Variants in SMYD4 observed in about 807,000 individuals in gnomAD.
SMYD4 encodes the protein protein-lysine N-methyltransferase SMYD4.
Under a neutral mutation model 72.8 loss-of-function variants are expected in SMYD4, and 68 were observed. The ratio of observed to expected loss-of-function variants is 0.93; its 90% CI spans 0.77 to 1.14. The LOEUF is 1.14. Ranked by LOEUF, SMYD4 falls within the 50% of genes most tolerant of loss-of-function variation. The probability of loss-of-function intolerance (pLI) is 0.00; values close to 1 mark genes in which losing one functional copy is unlikely to be tolerated. For synonymous variants in SMYD4, 407 were observed against 388.6 expected, an observed-to-expected ratio of 1.05 and a Z score of -0.56; for missense variants, 984 against 1,003.7, an observed-to-expected ratio of 0.98 and a Z score of 0.27.
At chr17:1,785,776 G>GAAAAAAAAA (rs1333271491) in intron 7 of SMYD4, among the ~76,000 whole-genome samples, 1 of 13,906 alleles carries the variant, frequency 7.2e-5, no homozygotes, top group African/African-American at 2.6e-4. Context: ...AAAAAAAAAA[G>GAAAAAAAAA]AAAAAAAAAA....
Position 1,786,831 on chromosome 17 carries a change from G to A in SMYD4, c.1863C>T (p.Asn621=). 1 of 1,614,234 alleles carries A rather than the reference G, an allele frequency of 6.2e-7. No individual in the cohort carries two copies. The highest frequency in any genetic ancestry group is 8.5e-7 in the Non-Finnish European group (1 of 1,180,040). The change falls in exon 7 of 11, where the codon AAC becomes AAT. Residue 621 remains asparagine, a synonymous_variant. Coordinates refer to ENST00000305513, the MANE Select transcript of SMYD4 (RefSeq NM_052928.3). ...TTACCTGCATGGGCGCTCCGCAACT[G>A]TTGCAACAGAATGCTTCCCACCTGG... ...AGPRWEAFCC[N]SCGAPMQGDD...
At chr17:1,781,615 AAC>A (rs755442349) in intron 10 of SMYD4, 176 bp from the exon 11 acceptor site, 15 of 645,476 alleles carry the variant, frequency 2.3e-5, no homozygotes, top group Non-Finnish European at 3.7e-5. Flanking sequence ...AGTGTGAGAA[AAC>A]AGTTATAAAA....
Position 1,781,374 on chromosome 17 carries a change from C to T in SMYD4, c.2327G>A (p.Gly776Asp). Residue 776 changes from glycine to aspartate, a missense_variant, in exon 11 of 11, where the codon GGC becomes GAC. Transcript: ENST00000305513. The part of the protein sequence containing the change: ...KAEEVLSLHC[G>D]PWDDEIQELQ... Reference sequence around the variant, plus strand: ...CTCCTGGATTTCATCGTCCCATGGGCCACAGTGCAGCGACAGAACCTCCTC... The same window carrying T: ...CTCCTGGATTTCATCGTCCCATGGGTCACAGTGCAGCGACAGAACCTCCTC... 1.9e-6 allele frequency: 3 copies of T among 1,614,072 alleles called. No individual in the cohort carries two copies. Among genetic ancestry groups the T allele is most frequent in the Non-Finnish European group, 2.5e-6 (3 of 1,180,034 alleles).
At chr17:1,795,263 T>TTCTG (rs758387573) in intron 5 of SMYD4, among the ~76,000 whole-genome samples, 3 of 152,032 alleles carry the variant, frequency 2.0e-5, no homozygotes, top group African/African-American at 4.8e-5. Context: ...TGCCTCAGCC[T>TTCTG]TCTGTCTGTC....
At chr17:1,815,188 T>G (rs1910524927) in intron 2 of SMYD4, among the ~76,000 whole-genome samples, 1 of 151,600 alleles carries the variant, frequency 6.6e-6, no homozygotes, top group African/African-American at 2.4e-5. Flanking sequence ...CTCAGCCTCC[T>G]GAGCAGCTGG....
At position 1,790,466 on chromosome 17, in the gene SMYD4, G is replaced by A. The variant is rs866243248; in HGVS notation, c.1538-2862C>T. Among the ~76,000 whole-genome samples, 76 of 152,186 alleles carry A rather than the reference G, an allele frequency of 5.0e-4. 1 individual carries two copies. The highest frequency in any genetic ancestry group is 1.7e-3 in the African/African-American group (72 of 41,516). On this transcript the variant is annotated intron_variant, in intron 5 of 10. Transcript: ENST00000305513. ...GACATTTTGTATTAAAATAAAGAGG[G>A]AGTGATTCTATACCAAAACAGTACC...
chr17:1,789,642 G>C (rs1464166334), intron 5 of SMYD4, among the ~76,000 whole-genome samples: 1 of 151,502 alleles, frequency 6.6e-6, no homozygotes, highest in Non-Finnish European at 1.5e-5. Context: ...GCGTGCACCA[G>C]TAATCCCTGC....
In SMYD4 at chr17:1,829,798, T is replaced by A. The variant is rs8074207; in HGVS notation, c.-85A>T. ...AGACGCGCCCGGAACTGCGCCCTGG[T>A]CTCCCTCCCAGCGCCCGCGCAGCTC... On this transcript the variant is annotated 5_prime_UTR_variant, in exon 1 of 11. Coordinates refer to ENST00000305513, the MANE Select transcript of SMYD4 (RefSeq NM_052928.3). 0.71 allele frequency: 171,011 copies of A among 241,740 alleles called. 62,244 individuals carry two copies. The highest frequency in any genetic ancestry group is 0.78 in the Non-Finnish European group (99,848 of 127,624). The allele number at this position is 241,740 out of a possible 1,614,324, so 15.0% of individuals were successfully genotyped here. A position where few individuals can be genotyped will look rare whatever the true frequency, so the allele number is the denominator to read the frequency against.
chr17:1,803,900 T>TG (rs1555577725), intron 4 of SMYD4, among the ~76,000 whole-genome samples: 1 of 151,050 alleles, frequency 6.6e-6, no homozygotes, highest in African/African-American at 2.4e-5. Flanking sequence ...TTTTTTTTTT[T>TG]GAGACAGAGT....
intron 4 of SMYD4, among the ~76,000 whole-genome samples, chr17:1,803,756 C>T (rs1909890456): frequency 6.6e-6 from 1 of 152,116 alleles, no homozygotes; most frequent in South Asian, 2.1e-4. Flanking sequence ...GCCTTGGCCT[C>T]CCAAAGTGCT....
chr17:1,796,976 G>A (rs1277588818), intron 5 of SMYD4, among the ~76,000 whole-genome samples: 1 of 152,212 alleles, frequency 6.6e-6, no homozygotes, highest in Non-Finnish European at 1.5e-5. Context: ...AGGCTAACCT[G>A]ACATGTGATT....
Position 1,800,591 on chromosome 17 carries a change from A to T in SMYD4, c.803T>A (p.Val268Asp). 6.2e-7 allele frequency: 1 copy of T among 1,614,106 alleles called. No individual in the cohort carries two copies. Among genetic ancestry groups the T allele is most frequent in the South Asian group, 1.1e-5 (1 of 91,082 alleles). ...LLVQEDAFVS[V>D]LNPGELPPPH... ...TGGTGGCAGTTCTCCTGGGTTGAGA[A>T]CACTCACAAAAGCATCCTCCTGCAC... The change falls in exon 5 of 11, where the codon GTT becomes GAT. Residue 268 changes from valine to aspartate, a missense_variant. Val to Asp is a radical substitution (Grantham distance 152). Coordinates refer to ENST00000305513, the MANE Select transcript of SMYD4 (RefSeq NM_052928.3).
chr17:1,803,905 CAG>C (rs1006928124), intron 4 of SMYD4, among the ~76,000 whole-genome samples: 3 of 146,834 alleles, frequency 2.0e-5, no homozygotes, highest in Non-Finnish European at 3.0e-5. Context: ...TTTTTTGAGA[CAG>C]AGTCTGTTGC....
At chr17:1,816,506 G>A (rs1910602496) in intron 2 of SMYD4, among the ~76,000 whole-genome samples, 2 of 151,502 alleles carry the variant, frequency 1.3e-5, no homozygotes, top group African/African-American at 4.9e-5. Flanking sequence ...TGTAATCCCA[G>A]CTACTCGGGG....
intron 5 of SMYD4, among the ~76,000 whole-genome samples, chr17:1,794,192 C>G (rs929570320): frequency 2.9e-5 from 4 of 135,958 alleles, no homozygotes; most frequent in African/African-American, 1.1e-4. Context: ...TCACTGCAAC[C>G]TCCGCCTCCC....
intron 5 of SMYD4, among the ~76,000 whole-genome samples, chr17:1,798,654 T>C (rs1269560187): frequency 6.6e-6 from 1 of 152,048 alleles, no homozygotes; most frequent in Admixed American, 6.6e-5. Flanking sequence ...TCTCAGCATT[T>C]TGGGAGGCCA....
chr17:1,807,421 C>CG (rs1910096620), intron 3 of SMYD4, among the ~76,000 whole-genome samples: 1 of 151,076 alleles, frequency 6.6e-6, no homozygotes, highest in Non-Finnish European at 1.5e-5. Context: ...GCGTACCGCC[C>CG]CCCCCGGCCC....
chr17:1,786,055 G>C (rs1908673717), intron 7 of SMYD4, among the ~76,000 whole-genome samples: 2 of 152,254 alleles, frequency 1.3e-5, no homozygotes, highest in African/African-American at 4.8e-5. Context: ...CCCTACAGCT[G>C]AGGGTGTGGC....
chr17:1,815,845 A>G (rs1466937204), intron 2 of SMYD4, among the ~76,000 whole-genome samples: 1 of 151,704 alleles, frequency 6.6e-6, no homozygotes, highest in Non-Finnish European at 1.5e-5. Context: ...GATTACAGGC[A>G]CCTGCCACCA....
Sources: allele counts gnomAD v4.1 joint callset (sites outside exome capture counted in the v4.1 genomes callset), GRCh38; gene constraint gnomAD v4.1.1; transcripts MANE v1.5; gene names NCBI Gene and HGNC (gene_info 2026-07-23, HGNC 2026-07-21).